The following ANKFN1 variants were observed in gnomAD, a reference collection of about 807,000 sequenced individuals.
ANKFN1 encodes the protein ankyrin repeat and fibronectin type III domain containing 1.
In ANKFN1, 74 loss-of-function variants were observed where a neutral mutation model predicts 108.7. The observed-to-expected ratio is 0.68, with a 90% CI of 0.56 to 0.83. The LOEUF (loss-of-function observed/expected upper bound fraction) is 0.83, where lower values mean the gene tolerates loss of function less well. Among genes scored for constraint, ANKFN1 ranks in the 40% least tolerant of loss-of-function variants. ANKFN1 has a pLI of 0.00. For synonymous variants in ANKFN1, 547 were observed against 516.2 expected, an observed-to-expected ratio of 1.06 and a Z score of -0.81; for missense variants, 1,505 against 1,382.3, an observed-to-expected ratio of 1.09 and a Z score of -1.41.
intron 6 of ANKFN1, among the ~76,000 whole-genome samples, chr17:56,357,493 G>A (rs987602364): frequency 1.3e-5 from 2 of 152,148 alleles, no homozygotes; most frequent in African/African-American, 4.8e-5. Flanking sequence ...ATGGAGGGCC[G>A]TGGCCTCTGG....
At chr17:56,087,695 G>T (rs1023103301) in intron 4 of ANKFN1, among the ~76,000 whole-genome samples, 6 of 151,356 alleles carry the variant, frequency 4.0e-5, no homozygotes, top group African/African-American at 1.5e-4. Flanking sequence ...TAAAACAGAG[G>T]TTGGCAAAGC....
At chr17:56,399,664 G>C (rs1479793859) in intron 8 of ANKFN1, among the ~76,000 whole-genome samples, 1 of 151,736 alleles carries the variant, frequency 6.6e-6, no homozygotes, top group African/African-American at 2.4e-5. Context: ...AAAGTCCACT[G>C]TATTATTCTT....
At chr17:56,373,565 GT>G (rs1555639165) in intron 7 of ANKFN1, among the ~76,000 whole-genome samples, 1 of 152,202 alleles carries the variant, frequency 6.6e-6, no homozygotes, top group Non-Finnish European at 1.5e-5. Context: ...ATAAGGGAAA[GT>G]TCGTTAGTTT....
upstream of ANKFN1, among the ~76,000 whole-genome samples, chr17:56,151,479 A>T (rs1463749971): frequency 6.6e-6 from 1 of 152,216 alleles, no homozygotes; most frequent in Non-Finnish European, 1.5e-5. Context: ...TAAAATAAGC[A>T]GCATGGTAGA....
chr17:56,168,484 A>G (rs777923445), intron 1 of ANKFN1, among the ~76,000 whole-genome samples: 4 of 152,200 alleles, frequency 2.6e-5, no homozygotes, highest in Non-Finnish European at 4.4e-5. Flanking sequence ...TACTCAGTAA[A>G]TATTCACTAA....
At chr17:56,197,943 G>A (rs960392017) in intron 1 of ANKFN1, among the ~76,000 whole-genome samples, 1 of 152,130 alleles carries the variant, frequency 6.6e-6, no homozygotes, top group Non-Finnish European at 1.5e-5. Context: ...CCAAGAGGTC[G>A]AGGCTACAGT....
intron 4 of ANKFN1, among the ~76,000 whole-genome samples, chr17:56,328,602 C>G (rs1482141312): frequency 2.0e-5 from 3 of 152,128 alleles, no homozygotes; most frequent in African/African-American, 7.2e-5. Context: ...ATTATTATTT[C>G]ACTCTTCATC....
At chr17:56,433,477 T>C (rs1677061938) in intron 8 of ANKFN1, among the ~76,000 whole-genome samples, 1 of 152,044 alleles carries the variant, frequency 6.6e-6, no homozygotes. Flanking sequence ...TATATATATA[T>C]GATGGAATAC....
chr17:56,261,835 C>A (rs2043518583), intron 3 of ANKFN1, among the ~76,000 whole-genome samples: 1 of 152,202 alleles, frequency 6.6e-6, no homozygotes, highest in African/African-American at 2.4e-5. Context: ...CCTTTGGCAA[C>A]ACCCTCACAG....
intron 20 of ANKFN1, among the ~76,000 whole-genome samples, chr17:56,499,944 A>G (rs779510041): frequency 6.6e-6 from 1 of 151,974 alleles, no homozygotes; most frequent in African/African-American, 2.4e-5. Context: ...AAGCTTCATA[A>G]TATTTTTAAT....
chr17:56,308,599 C>CA (rs1198398048), intron 3 of ANKFN1, among the ~76,000 whole-genome samples: 1 of 152,054 alleles, frequency 6.6e-6, no homozygotes, highest in Non-Finnish European at 1.5e-5. Context: ...CTAGAACTCA[C>CA]AAAATTATGA....
intron 8 of ANKFN1, among the ~76,000 whole-genome samples, chr17:56,386,071 C>A (rs2047257866): frequency 6.6e-6 from 1 of 152,054 alleles, no homozygotes; most frequent in South Asian, 2.1e-4. Context: ...GGAAGCAACC[C>A]AAATGTCCAA....
At chr17:56,468,529 A>G (rs2050209576) in intron 15 of ANKFN1, among the ~76,000 whole-genome samples, 1 of 152,112 alleles carries the variant, frequency 6.6e-6, no homozygotes, top group Non-Finnish European at 1.5e-5. Flanking sequence ...AAGCAGTAGC[A>G]TATCCACAGA....
At chr17:56,486,234 G>A (rs77544231) in intron 18 of ANKFN1, among the ~76,000 whole-genome samples, 3,895 of 152,250 alleles carry the variant, frequency 0.026, 134 homozygotes, top group East Asian at 0.088. Flanking sequence ...CATATCATTG[G>A]TAATCCAACT....
At chr17:56,502,216 T>C (rs2051395404) in intron 20 of ANKFN1, among the ~76,000 whole-genome samples, 1 of 152,140 alleles carries the variant, frequency 6.6e-6, no homozygotes, top group Non-Finnish European at 1.5e-5. Flanking sequence ...ACCTTCCCAG[T>C]GTTTAATCTT....
At chr17:56,174,246 T>G (rs1598179905) in intron 1 of ANKFN1, 1 of 985,570 alleles carries the variant, frequency 1.0e-6, no homozygotes. Context: ...CAAAGACTTG[T>G]GAGCCCACTC....
rs73311716 is a variant in ANKFN1, at chr17:56,264,547, A to G, written c.53+36590A>G. ...TTCTATTGATTTGGGAACATTTCCC[A>G]CACATATCTCATGTTCCCTGTGCTT... On this transcript the variant is annotated intron_variant, in intron 3 of 20. Coordinates refer to ENST00000682825, the MANE Select transcript of ANKFN1 (RefSeq NM_001370326.1). Among the ~76,000 whole-genome samples, 483 of 152,308 alleles carry G rather than the reference A, an allele frequency of 3.2e-3. 2 individuals are homozygous for G. The highest frequency in any genetic ancestry group is 0.011 in the African/African-American group (470 of 41,570).
chr17:56,396,027 G>GAAAAC (rs954101036), intron 8 of ANKFN1, among the ~76,000 whole-genome samples: 1 of 151,814 alleles, frequency 6.6e-6, no homozygotes, highest in African/African-American at 2.4e-5. Context: ...GGAACAAAAT[G>GAAAAC]AAAACAAAAC....
chr17:56,297,178 C>A (rs766218488), intron 3 of ANKFN1, among the ~76,000 whole-genome samples: 1 of 152,180 alleles, frequency 6.6e-6, no homozygotes, highest in Admixed American at 6.5e-5. Flanking sequence ...GGATCATTGG[C>A]CTCTGAAGCT....
Sources: gnomAD v4.1 joint callset for allele counts (sites outside exome capture counted in the v4.1 genomes callset) on GRCh38, gnomAD v4.1.1 for gene constraint, MANE v1.5 for transcripts, NCBI Gene and HGNC (gene_info 2026-07-23, HGNC 2026-07-21) for gene names.